AUTS2: variants seen among roughly 807,000 people sequenced by gnomAD.
AUTS2 encodes autism susceptibility gene 2 protein.
In AUTS2, 17 loss-of-function variants were observed where a neutral mutation model predicts 112.4. That is an observed-to-expected ratio of 0.15 (90% confidence interval 0.10 to 0.23). AUTS2 has a LOEUF of 0.23. AUTS2 is among the 10% of genes least tolerant of loss of function. The probability of loss-of-function intolerance (pLI) is 1.00; values close to 1 mark genes in which losing one functional copy is unlikely to be tolerated. For missense variants in AUTS2, 1,510 were observed against 1,701.6 expected (o/e 0.89, Z 1.98); for synonymous variants, 751 against 702.7 (o/e 1.07, Z -1.09).
intron 4 of AUTS2, among the ~76,000 whole-genome samples, chr7:70,411,342 G>A (rs1437172193): frequency 6.6e-6 from 1 of 152,098 alleles, no homozygotes. Context: ...TGCATGATAT[G>A]CACAAATCAC....
chr7:70,695,262 T>C (rs1809019042), intron 5 of AUTS2, among the ~76,000 whole-genome samples: 1 of 152,006 alleles, frequency 6.6e-6, no homozygotes, highest in Admixed American at 6.5e-5. Context: ...TGTACTTTCC[T>C]CCCTCGGCCG....
chr7:69,888,151 A>C (rs1444543701), intron 1 of AUTS2, among the ~76,000 whole-genome samples: 2 of 152,088 alleles, frequency 1.3e-5, no homozygotes, highest in Non-Finnish European at 2.9e-5. Flanking sequence ...CTCTACAAAA[A>C]AGTAAAAATA....
At chr7:70,745,357 T>A (rs1045016169) in intron 6 of AUTS2, among the ~76,000 whole-genome samples, 1 of 152,208 alleles carries the variant, frequency 6.6e-6, no homozygotes, top group Non-Finnish European at 1.5e-5. Context: ...TGTACTTTGA[T>A]TTGCTTATAA....
chr7:70,451,630 A>C (rs1029748516), intron 5 of AUTS2, among the ~76,000 whole-genome samples: 2 of 152,176 alleles, frequency 1.3e-5, no homozygotes, highest in African/African-American at 4.8e-5. Context: ...TAAACCTCAT[A>C]AGAAACACCC....
chr7:70,672,588 C>T (rs1027874568), intron 5 of AUTS2, among the ~76,000 whole-genome samples: 2 of 152,004 alleles, frequency 1.3e-5, no homozygotes, highest in Non-Finnish European at 2.9e-5. Context: ...AAGGGTAGGA[C>T]ACATGATTTC....
At chr7:70,059,446 G>C (rs1289953910) in intron 2 of AUTS2, among the ~76,000 whole-genome samples, 1 of 152,160 alleles carries the variant, frequency 6.6e-6, no homozygotes, top group East Asian at 1.9e-4. Flanking sequence ...ATGGGAAAAA[G>C]CTACTGTAAA....
At chr7:70,113,213 A>T (rs1042677016) in intron 2 of AUTS2, among the ~76,000 whole-genome samples, 1 of 152,108 alleles carries the variant, frequency 6.6e-6, no homozygotes, top group Non-Finnish European at 1.5e-5. Context: ...TTTTTAAAAA[A>T]TAGTTTTTCT....
chr7:70,624,900 GT>G (rs575302116), intron 5 of AUTS2, among the ~76,000 whole-genome samples: 1 of 152,134 alleles, frequency 6.6e-6, no homozygotes, highest in African/African-American at 2.4e-5. Flanking sequence ...GTCCCCATAG[GT>G]TTTTTTCTCT....
intron 1 of AUTS2, among the ~76,000 whole-genome samples, chr7:69,783,201 C>T (rs939221177): frequency 6.7e-5 from 10 of 148,820 alleles, no homozygotes; most frequent in African/African-American, 2.0e-4. Flanking sequence ...TTCTCCTCTT[C>T]GGCTCATTGA....
chr7:70,652,352 T>C (rs6977936), intron 5 of AUTS2, among the ~76,000 whole-genome samples: 27,938 of 152,068 alleles, frequency 0.18, 3,196 homozygotes, highest in East Asian at 0.36. Context: ...TTCTGCCATT[T>C]TTTTTTTAGG....
At chr7:70,293,420 A>G (rs993026733) in intron 4 of AUTS2, 2 of 152,126 alleles carry the variant, frequency 1.3e-5, no homozygotes, top group African/African-American at 4.8e-5. Flanking sequence ...TCCACATCAT[A>G]CTCATGCTGT....
intron 4 of AUTS2, among the ~76,000 whole-genome samples, chr7:70,310,499 G>C (rs1789694891): frequency 6.6e-6 from 1 of 151,986 alleles, no homozygotes; most frequent in Non-Finnish European, 1.5e-5. Context: ...TGTAGTCCCA[G>C]CTACTTGGGA....
At chr7:69,869,175 C>T (rs1023471995) in intron 1 of AUTS2, among the ~76,000 whole-genome samples, 3 of 152,042 alleles carry the variant, frequency 2.0e-5, no homozygotes, top group African/African-American at 7.2e-5. Flanking sequence ...TCTGCACAAC[C>T]GTAGGGAGAA....
intron 2 of AUTS2, among the ~76,000 whole-genome samples, chr7:70,025,963 A>T (rs1455704271): frequency 2.0e-5 from 3 of 151,984 alleles, no homozygotes; most frequent in African/African-American, 7.2e-5. Context: ...TAGTTTCTGA[A>T]CTAGGCACGA....
chr7:69,964,493 A>G (rs746500228), intron 2 of AUTS2, among the ~76,000 whole-genome samples: 21 of 152,138 alleles, frequency 1.4e-4, no homozygotes, highest in Non-Finnish European at 2.8e-4. Flanking sequence ...TGACTGCTAA[A>G]ATTTAGTACG....
intron 2 of AUTS2, among the ~76,000 whole-genome samples, chr7:70,088,414 A>G (rs976470397): frequency 2.0e-5 from 3 of 152,020 alleles, no homozygotes; most frequent in African/African-American, 7.3e-5. Context: ...GGCATGAGCC[A>G]CCGTGCCTGG....
At chr7:70,711,024 G>A (rs1810020076) in intron 6 of AUTS2, among the ~76,000 whole-genome samples, 1 of 152,218 alleles carries the variant, frequency 6.6e-6, no homozygotes, top group Admixed American at 6.5e-5. Context: ...AACTGGTAAA[G>A]GGTGACTTGC....
In AUTS2 at chr7:70,789,805, G is replaced by C; in HGVS notation, c.2589G>C (p.Val863=). The C allele has an allele frequency of 1.9e-6, 3 of 1,614,156 alleles. No homozygotes were observed. The highest frequency in any genetic ancestry group is 2.5e-6 in the Non-Finnish European group (3 of 1,180,016). Residue 863 remains valine (V), a synonymous_variant, in exon 19 of 19, where the codon GTG becomes GTC. Transcript: ENST00000342771. ...CTTCACCAGCACCTGTCCTCCCGGT[G>C]AATGCCCTGGGACATACCCGCAGCT... ...SHPSPAPVLP[V]NALGHTRSST...
chr7:70,121,205 A>C (rs1197866359), intron 3 of AUTS2, among the ~76,000 whole-genome samples: 1 of 152,210 alleles, frequency 6.6e-6, no homozygotes, highest in Admixed American at 6.5e-5. Context: ...ACTCAAAATG[A>C]ATCAATGACC....
Sources: allele counts gnomAD v4.1 joint callset (sites outside exome capture counted in the v4.1 genomes callset), GRCh38; gene constraint gnomAD v4.1.1; transcripts MANE v1.5; gene names NCBI Gene and HGNC (gene_info 2026-07-23, HGNC 2026-07-21).